Variants in GEN1 observed in about 807,000 individuals in gnomAD.
The protein encoded by GEN1 is flap endonuclease GEN homolog 1.
Under a neutral mutation model 67.6 loss-of-function variants are expected in GEN1, and 64 were observed. The ratio of observed to expected loss-of-function variants is 0.95; its 90% confidence interval spans 0.77 to 1.17. The LOEUF (loss-of-function observed/expected upper bound fraction) is 1.17, where lower values mean the gene tolerates loss of function less well. GEN1 is among the 50% of genes most tolerant of loss of function. The pLI, the probability that GEN1 is intolerant of heterozygous loss-of-function variation, is 0.00. For missense variants in GEN1, 1,058 were observed against 1,048.3 expected (o/e 1.01, Z -0.13); for synonymous variants, 371 against 359.4 (o/e 1.03, Z -0.37).
intron 7 of GEN1, 64 bp from the exon 8 acceptor site, chr2:17,772,570 A>G (rs1228006867): frequency 1.4e-6 from 2 of 1,446,982 alleles, no homozygotes. Context: ...TGGCAAAAAG[A>G]ATGTATGTAG....
In GEN1 at chr2:17,774,402, G is replaced by T. The variant is rs1353660342; in HGVS notation, c.1202+1G>T. On this transcript the variant is annotated splice_donor_variant, in intron 11 of 13. Coordinates refer to ENST00000381254, the MANE Select transcript of GEN1 (RefSeq NM_001130009.3). LOFTEE classifies it high-confidence loss of function. Reference sequence around the variant, plus strand: ...ACTCTAATCAACTACAGCCAATTCGGTAATGTAAAGAACTGTATGGTGAAG... The same window carrying T: ...ACTCTAATCAACTACAGCCAATTCGTTAATGTAAAGAACTGTATGGTGAAG... 1.9e-6 allele frequency: 3 copies of T among 1,597,032 alleles called. No homozygotes were observed. The African/African-American group carries it at 4.0e-5, about 22-fold the overall frequency.
At chr2:17,768,615 T>C (rs1366357086) in intron 5 of GEN1, 123 bp from the exon 6 acceptor site, 4 of 673,944 alleles carry the variant, frequency 5.9e-6, no homozygotes, top group Non-Finnish European at 1.0e-5. Flanking sequence ...TGCATATCTT[T>C]TCCTATCTTT....
At chr2:17,766,124 G>A (rs1671919459) in intron 4 of GEN1, among the ~76,000 whole-genome samples, 1 of 152,010 alleles carries the variant, frequency 6.6e-6, no homozygotes, top group African/African-American at 2.4e-5. Context: ...TAAAGATTCT[G>A]CTGATCAGGA....
At chr2:17,778,406 A>G (rs1439177521) in intron 12 of GEN1, among the ~76,000 whole-genome samples, 1 of 79,980 alleles carries the variant, frequency 1.3e-5, no homozygotes, top group Non-Finnish European at 2.6e-5. Flanking sequence ...ATGTATATAC[A>G]CACATATATG....
intron 7 of GEN1, among the ~76,000 whole-genome samples, 192 bp downstream of exon 7, chr2:17,771,479 A>T (rs1187321243): frequency 6.6e-6 from 1 of 152,164 alleles, no homozygotes; most frequent in South Asian, 2.1e-4. Flanking sequence ...TGTTTATTGA[A>T]ACCAATAATG....
chr2:17,772,969 G>C lies in GEN1; in HGVS notation c.954-127G>C, dbSNP rs919133500. The C allele has an allele frequency of 1.5e-5, 12 of 809,700 alleles. No individual in the cohort carries two copies. The Admixed American group carries it at 3.1e-4, about 21-fold the overall frequency. 50.2% of individuals were successfully genotyped at this position (809,700 alleles called of 1,614,324 possible). On this transcript the variant is annotated intron_variant, in intron 8 of 13. Transcript: ENST00000381254. ...TAGTAATGTAATAGTTATTCAAAGG[G>C]AAGCTTGACTGTTTGGGATACTGTA... is the stretch of plus-strand genomic sequence containing the variant.
In GEN1 at chr2:17,787,195, T is replaced by C. The variant is rs1459395186; in HGVS notation, c.*5256T>C. 6.6e-6 allele frequency: 1 copy of C among 152,220 alleles called. No homozygotes were observed. Among genetic ancestry groups the C allele is most frequent in the Non-Finnish European group, 1.5e-5 (1 of 68,038 alleles). 9.4% of individuals were successfully genotyped at this position (152,220 alleles called of 1,614,324 possible). On this transcript the variant is annotated 3_prime_UTR_variant, in exon 14 of 14. Transcript: ENST00000381254. ...TGCTCTATACGTGTCCCCAAAGAAA[T>C]TACCCATACATTCATCAGAGTATTT...
intron 11 of GEN1, among the ~76,000 whole-genome samples, chr2:17,776,006 C>T (rs900057752): frequency 6.7e-6 from 1 of 149,094 alleles, no homozygotes; most frequent in East Asian, 2.0e-4. Flanking sequence ...ATCCCAGCTA[C>T]TTGGAAGGCT....
chr2:17,762,774 A>G (rs184961331), intron 3 of GEN1, among the ~76,000 whole-genome samples: 1 of 152,124 alleles, frequency 6.6e-6, no homozygotes, highest in African/African-American at 2.4e-5. Flanking sequence ...TTTTCTTGTG[A>G]TTTGAAATTT....
Position 17,781,068 on chromosome 2 carries a change from C to T in GEN1, c.1856C>T (p.Ser619Leu). ...AAATCAGAAGTTGAATCAGAGCTAT[C>T]AGCCATCCCTGATGGCTTTGAAAAT... ...DLKSEVESELSAIPDGFENIP... is the reference protein window; with the variant it reads ...DLKSEVESELLAIPDGFENIP... The change falls in exon 14 of 14, where the codon TCA (serine) becomes TTA (leucine). Residue 619 changes from serine (S) to leucine (L), a missense_variant. Transcript: ENST00000381254. 6.2e-7 allele frequency: 1 copy of T among 1,613,262 alleles called. No individual in the cohort carries two copies. The highest frequency in any genetic ancestry group is 8.5e-7 in the Non-Finnish European group (1 of 1,179,250).
At chr2:17,761,712 T>C in intron 3 of GEN1, 130 bp downstream of exon 3, 1 of 656,624 alleles carries the variant, frequency 1.5e-6, no homozygotes, top group Non-Finnish European at 2.4e-6. Context: ...AGAAAAGAGT[T>C]TATTTTTTAG....
At position 17,784,971 on chromosome 2, in the gene GEN1, T is replaced by G. The variant is rs563396167; in HGVS notation, c.*3032T>G. 1 of 152,308 alleles carries G rather than the reference T, an allele frequency of 6.6e-6. No individual in the cohort carries two copies. Among genetic ancestry groups the G allele is most frequent in the Admixed American group, 6.5e-5 (1 of 15,284 alleles). 9.4% of individuals were successfully genotyped at this position (152,308 alleles called of 1,614,324 possible). ...CCTGCACAGCAGGTGTTGAGCGGCATGCAAGCGAGAATTACCGCCTGAGCT... is the reference window on the plus strand; with the variant it reads ...CCTGCACAGCAGGTGTTGAGCGGCAGGCAAGCGAGAATTACCGCCTGAGCT... On this transcript the variant is annotated 3_prime_UTR_variant, in exon 14 of 14. Transcript: ENST00000381254.
Position 17,772,729 on chromosome 2 carries a change from T to TGGCA in GEN1, c.899_902dup (p.His301GlnfsTer7), listed in dbSNP as rs1337704663. On this transcript the variant is annotated frameshift_variant, in exon 8 of 14. Coordinates refer to ENST00000381254, the MANE Select transcript of GEN1 (RefSeq NM_001130009.3). LOFTEE classifies it high-confidence loss of function. ...CTATGAATACTGCTGTCCTTGTGAG[T>TGGCA]GGCACCGTACAGAACATGATAGGCA... 3 of 1,612,120 alleles carry TGGCA rather than the reference T, an allele frequency of 1.9e-6. No homozygotes were observed. The East Asian group carries it at 6.7e-5, about 36-fold the overall frequency.
chr2:17,768,104 T>A (rs1672013965), intron 5 of GEN1, among the ~76,000 whole-genome samples: 1 of 152,210 alleles, frequency 6.6e-6, no homozygotes, highest in African/African-American at 2.4e-5. Context: ...AGTGTGTAAA[T>A]CCTAGTGTGT....
intron 8 of GEN1, 36 bp from the exon 9 acceptor site, chr2:17,773,060 A>T (rs758439206): frequency 2.9e-6 from 4 of 1,374,730 alleles, no homozygotes; most frequent in Non-Finnish European, 4.1e-6. Context: ...AAATTGTCTG[A>T]TTATAGTAAT....
At chr2:17,761,638 C>G in intron 3 of GEN1, 56 bp downstream of exon 3, 2 of 1,200,500 alleles carry the variant, frequency 1.7e-6, no homozygotes, top group Non-Finnish European at 2.4e-6. Flanking sequence ...GTGCATTTTA[C>G]TCTTAATAGT....
At position 17,766,488 on chromosome 2, in the gene GEN1, A is replaced by G; in HGVS notation, c.526-91A>G. 5.4e-6 allele frequency: 4 copies of G among 737,328 alleles called. No individual in the cohort carries two copies. The East Asian group carries it at 1.1e-4, about 20-fold the overall frequency. The allele number at this position is 737,328 out of a possible 1,614,324, so 45.7% of individuals were successfully genotyped here. On this transcript the variant is annotated intron_variant, in intron 4 of 13. Transcript: ENST00000381254. ...CCCAGCCTGGAATAATTAAACATTT[A>G]AAGATAACATTGACAAATTATTTTT...
At chr2:17,757,748 G>C (rs544729966) in intron 1 of GEN1, among the ~76,000 whole-genome samples, 22 of 152,224 alleles carry the variant, frequency 1.4e-4, no homozygotes, top group African/African-American at 5.1e-4. Context: ...TTTTTAATTT[G>C]ACCCATGAAT....
At position 17,783,099 on chromosome 2, in the gene GEN1, C is replaced by G. The variant is rs13404348; in HGVS notation, c.*1160C>G. 6.6e-6 allele frequency: 1 copy of G among 152,056 alleles called. No homozygotes were observed. Among genetic ancestry groups the G allele is most frequent in the Admixed American group, 6.6e-5 (1 of 15,256 alleles). 9.4% of individuals were successfully genotyped at this position (152,056 alleles called of 1,614,324 possible). A position where few individuals can be genotyped will look rare whatever the true frequency, so the allele number is the denominator to read the frequency against. ...TTTTGAGACAGAGTCTCACTCTTGT[C>G]GAGACTGGGGTGTAGTGGCGCCATC... On this transcript the variant is annotated 3_prime_UTR_variant, in exon 14 of 14. Transcript: ENST00000381254.
Sources: gnomAD v4.1 joint callset for allele counts (sites outside exome capture counted in the v4.1 genomes callset) on GRCh38, gnomAD v4.1.1 for gene constraint, MANE v1.5 for transcripts, NCBI Gene and HGNC (gene_info 2026-07-23, HGNC 2026-07-21) for gene names.